The following HIBADH variants were observed in gnomAD, a reference collection of about 807,000 sequenced individuals.
The protein encoded by HIBADH is 3-hydroxyisobutyrate dehydrogenase, also known as 3-hydroxyisobutyrate dehydrogenase, mitochondrial.
HIBADH carries 25 observed loss-of-function variants against 36.1 expected under a neutral mutation model. The observed-to-expected ratio is 0.69, with a 90% confidence interval of 0.50 to 0.97. The LOEUF is 0.97. Ranked by LOEUF, HIBADH falls within the 50% of genes least tolerant of loss-of-function variation. The pLI, the probability that HIBADH is intolerant of heterozygous loss-of-function variation, is 0.00. For synonymous variants in HIBADH, 160 were observed against 149.5 expected (o/e 1.07, Z -0.51); for missense variants, 421 against 418.0 (o/e 1.01, Z -0.06).
rs115380438 is a variant in HIBADH at position 27,649,245 on chromosome 7, A to C, written c.252+228T>G. On this transcript the variant is annotated intron_variant, in intron 2 of 7. Coordinates refer to ENST00000265395, the MANE Select transcript of HIBADH (RefSeq NM_152740.4). The stretch of plus-strand genomic sequence containing the variant: ...AACAAGGCCCTCTGACCAAATGTGC[A>C]AAATGTTCCAAGTCACCTGCCAAAG... The C allele has an allele frequency of 3.5e-3, 1,302 of 373,680 alleles. 17 individuals carry two copies. The highest frequency in any genetic ancestry group is 0.023 in the African/African-American group (1,106 of 48,084). The allele number at this position is 373,680 out of a possible 1,614,324, so 23.1% of individuals were successfully genotyped here.
chr7:27,589,223 T>C (rs190856080), intron 4 of HIBADH, among the ~76,000 whole-genome samples: 13 of 152,334 alleles, frequency 8.5e-5, no homozygotes, highest in African/African-American at 1.2e-4. Context: ...TATGCTTCTA[T>C]TACATTTTTA....
chr7:27,652,336 T>C (rs546760966), intron 1 of HIBADH, among the ~76,000 whole-genome samples: 1 of 151,578 alleles, frequency 6.6e-6, no homozygotes, highest in Admixed American at 6.6e-5. Flanking sequence ...AACCATAATG[T>C]GGAAGGATAG....
intron 1 of HIBADH, among the ~76,000 whole-genome samples, chr7:27,655,566 A>AT (rs1325064042): frequency 2.6e-5 from 4 of 152,186 alleles, no homozygotes; most frequent in Admixed American, 2.6e-4. Context: ...AAAGATTAGC[A>AT]TATCTATATG....
At chr7:27,622,833 G>A (rs1359815085) in intron 4 of HIBADH, among the ~76,000 whole-genome samples, 2 of 152,122 alleles carry the variant, frequency 1.3e-5, no homozygotes, top group Non-Finnish European at 2.9e-5. Flanking sequence ...TGACAGCTGA[G>A]TTCTACCAAA....
intron 2 of HIBADH, among the ~76,000 whole-genome samples, chr7:27,638,231 G>A (rs557143954): frequency 2.7e-4 from 37 of 138,986 alleles, no homozygotes; most frequent in Admixed American, 8.8e-4. Context: ...GAACAAAACA[G>A]GCACACAGAC....
chr7:27,619,954 G>C (rs1202271985), intron 4 of HIBADH, among the ~76,000 whole-genome samples: 1 of 152,108 alleles, frequency 6.6e-6, no homozygotes, highest in Non-Finnish European at 1.5e-5. Context: ...TTCAGATACA[G>C]GAGGTTCACC....
At chr7:27,529,938 T>C (rs532597085) in intron 7 of HIBADH, among the ~76,000 whole-genome samples, 1 of 152,290 alleles carries the variant, frequency 6.6e-6, no homozygotes, top group South Asian at 2.1e-4. Flanking sequence ...GGCAAGACCT[T>C]CCACCAGCAA....
At chr7:27,627,803 G>A (rs1431030434) in intron 4 of HIBADH, among the ~76,000 whole-genome samples, 2 of 152,106 alleles carry the variant, frequency 1.3e-5, no homozygotes, top group African/African-American at 2.4e-5. Context: ...AGGTTCAGGT[G>A]TATTCAGTTA....
intron 2 of HIBADH, among the ~76,000 whole-genome samples, chr7:27,636,547 A>C (rs972360956): frequency 6.6e-6 from 1 of 152,238 alleles, no homozygotes; most frequent in African/African-American, 2.4e-5. Flanking sequence ...ATTAGATCCC[A>C]AGAGATTTAC....
intron 2 of HIBADH, among the ~76,000 whole-genome samples, chr7:27,645,376 T>TTG (rs1562657249): frequency 3.4e-5 from 4 of 117,812 alleles, no homozygotes; most frequent in African/African-American, 1.7e-4. Flanking sequence ...TGATTTTTTT[T>TTG]TTTTTTTTTT....
intron 7 of HIBADH, among the ~76,000 whole-genome samples, 155 bp from the exon 8 acceptor site, chr7:27,526,527 C>T (rs1452885354): frequency 2.0e-5 from 3 of 152,106 alleles, no homozygotes; most frequent in South Asian, 2.1e-4. Context: ...TTTAAATAAG[C>T]GCTTTCATAT....
At chr7:27,600,517 T>C (rs553027663) in intron 4 of HIBADH, among the ~76,000 whole-genome samples, 26 of 152,276 alleles carry the variant, frequency 1.7e-4, no homozygotes, top group African/African-American at 6.3e-4. Flanking sequence ...CTAGCAATAA[T>C]CCTTATTCCC....
At chr7:27,555,248 G>A (rs757953430) in intron 4 of HIBADH, among the ~76,000 whole-genome samples, 1 of 146,930 alleles carries the variant, frequency 6.8e-6, no homozygotes, top group Non-Finnish European at 1.5e-5. Flanking sequence ...GGGGAGAACT[G>A]TTCTTCCGGT....
rs1562609863 is a variant in HIBADH at position 27,527,917 on chromosome 7, C to CTTTTTTTTTTTTTTTTTTTTTTTTT, written c.853-1546_853-1545insAAAAAAAAAAAAAAAAAAAAAAAAA. On this transcript the variant is annotated intron_variant, in intron 7 of 7. Coordinates refer to ENST00000265395, the MANE Select transcript of HIBADH (RefSeq NM_152740.4). Reference sequence around the variant, plus strand: ...AGGCATTTGCCACCACCACACCCAGCGTTTTTTTTTTTTTTTTTTTTTTTT... The same window carrying CTTTTTTTTTTTTTTTTTTTTTTTTT: ...AGGCATTTGCCACCACCACACCCAGCTTTTTTTTTTTTTTTTTTTTTTTTTGTTTTTTTTTTTTTTTTTTTTTTTT... Among the ~76,000 whole-genome samples the CTTTTTTTTTTTTTTTTTTTTTTTTT allele has an allele frequency of 9.1e-5, 7 of 77,040 alleles. 1 individual carries two copies. Among genetic ancestry groups the CTTTTTTTTTTTTTTTTTTTTTTTTT allele is most frequent in the Admixed American group, 1.6e-4 (1 of 6,068 alleles). The allele number at this position is 77,040 out of a possible 152,430, so 50.5% of individuals were successfully genotyped here. A position where few individuals can be genotyped will look rare whatever the true frequency, so the allele number is the denominator to read the frequency against.
intron 4 of HIBADH, among the ~76,000 whole-genome samples, chr7:27,621,274 G>A (rs150914531): frequency 6.6e-6 from 1 of 152,010 alleles, no homozygotes; most frequent in Non-Finnish European, 1.5e-5. Flanking sequence ...ATAATAGTTG[G>A]GGGCTTCAAC....
chr7:27,638,952 A>G (rs573439542), intron 2 of HIBADH, among the ~76,000 whole-genome samples: 4 of 152,200 alleles, frequency 2.6e-5, no homozygotes, highest in Non-Finnish European at 5.9e-5. Flanking sequence ...AGATGCTGGC[A>G]AGGTTGCAGA....
At chr7:27,609,504 C>A (rs1785287954) in intron 4 of HIBADH, among the ~76,000 whole-genome samples, 1 of 152,074 alleles carries the variant, frequency 6.6e-6, no homozygotes, top group Non-Finnish European at 1.5e-5. Flanking sequence ...TTTATGGATA[C>A]AGAGTGATAA....
intron 6 of HIBADH, among the ~76,000 whole-genome samples, chr7:27,537,716 A>G (rs1441365730): frequency 6.6e-6 from 1 of 152,200 alleles, no homozygotes; most frequent in African/African-American, 2.4e-5. Flanking sequence ...TAGGAAAAAC[A>G]GAATTCCTGA....
At chr7:27,604,944 T>G (rs1460644462) in intron 4 of HIBADH, among the ~76,000 whole-genome samples, 1 of 151,998 alleles carries the variant, frequency 6.6e-6, no homozygotes, top group Non-Finnish European at 1.5e-5. Context: ...ATAAAATGAG[T>G]AGCACTAAGC....
Sources: gnomAD v4.1 joint callset for allele counts (sites outside exome capture counted in the v4.1 genomes callset) on GRCh38, gnomAD v4.1.1 for gene constraint, MANE v1.5 for transcripts, NCBI Gene and HGNC (gene_info 2026-07-23, HGNC 2026-07-21) for gene names.